ENPP3: variants seen among roughly 807,000 people sequenced by gnomAD.
ENPP3 encodes ectonucleotide pyrophosphatase/phosphodiesterase family member 3.
In ENPP3, 104 loss-of-function variants were observed where a neutral mutation model predicts 117.8. The observed-to-expected ratio is 0.88, with a 90% confidence interval of 0.75 to 1.04. The LOEUF is 1.04. Ranked by LOEUF, ENPP3 falls within the 50% of genes least tolerant of loss-of-function variation. The pLI, the probability that ENPP3 is intolerant of heterozygous loss-of-function variation, is 0.00. For synonymous variants in ENPP3, 380 were observed against 349.9 expected (o/e 1.09, Z -0.96); for missense variants, 1,026 against 1,051.9 (o/e 0.98, Z 0.34).
At chr6:131,740,117 G>A in intron 23 of ENPP3, 107 bp from the exon 24 acceptor site, 1 of 784,418 alleles carries the variant, frequency 1.3e-6, no homozygotes, top group Non-Finnish European at 1.8e-6. Flanking sequence ...AGAATTATAA[G>A]AATTATTATT....
chr6:131,743,691 G>T (rs1780575852), intron 24 of ENPP3, among the ~76,000 whole-genome samples: 1 of 151,958 alleles, frequency 6.6e-6, no homozygotes, highest in South Asian at 2.1e-4. Context: ...CAGGTGTGAT[G>T]GTGCATGCCT....
Position 131,670,697 on chromosome 6 carries a change from T to C in ENPP3, c.563-551T>C, listed in dbSNP as rs546846924. 5.5e-3 allele frequency among the ~76,000 whole-genome samples: 840 copies of C among 152,244 alleles called. 6 individuals are homozygous for C. Among genetic ancestry groups the C allele is most frequent in the African/African-American group, 0.017 (711 of 41,520 alleles). ...ATACAGAAATGGGGTTTCATTGTGT[T>C]GCTCAGGTTGGCCTCAAACTCTTGA... On this transcript the variant is annotated intron_variant, in intron 6 of 24. Coordinates refer to ENST00000357639, the MANE Select transcript of ENPP3 (RefSeq NM_005021.5).
Position 131,738,175 on chromosome 6 carries a change from G to T in ENPP3, c.2300+12G>T. 1 of 1,607,670 alleles carries T rather than the reference G, an allele frequency of 6.2e-7. No homozygotes were observed. The highest frequency in any genetic ancestry group is 1.1e-5 in the South Asian group (1 of 90,350). Reference sequence around the variant, plus strand: ...GATGAAATTACCAAGTAAGTGATTTGACTTTTTGATTTATCAATAGGGTCT... The same window carrying T: ...GATGAAATTACCAAGTAAGTGATTTTACTTTTTGATTTATCAATAGGGTCT... On this transcript the variant is annotated intron_variant, in intron 23 of 24. Coordinates refer to ENST00000357639, the MANE Select transcript of ENPP3 (RefSeq NM_005021.5).
chr6:131,678,030 T>C (rs1748456753), intron 11 of ENPP3, 90 bp downstream of exon 11: 3 of 711,780 alleles, frequency 4.2e-6, no homozygotes, highest in Non-Finnish European at 7.2e-6. Flanking sequence ...TAACTTCTAC[T>C]GAGCACAAAT....
chr6:131,746,839 C>G lies in ENPP3; in HGVS notation c.2511C>G (p.Ala837=), dbSNP rs148724029. Residue 837 remains alanine (A), a synonymous_variant, in exon 25 of 25, where the codon GCC becomes GCG. Transcript: ENST00000357639. The part of the protein sequence containing the change: ...WVEERFTAHI[A]RVRDVELLTG... ...AAGAAAGATTTACAGCTCACATTGCCCGGGTCCGTGATGTAGAACTTCTCA... is the reference window on the plus strand; with the variant it reads ...AAGAAAGATTTACAGCTCACATTGCGCGGGTCCGTGATGTAGAACTTCTCA... 1.5e-4 allele frequency: 237 copies of G among 1,613,034 alleles called. 1 individual carries two copies. Among genetic ancestry groups the G allele is most frequent in the Middle Eastern group, 9.9e-4 (6 of 6,078 alleles).
chr6:131,661,607 G>A (rs1384458542), intron 6 of ENPP3, among the ~76,000 whole-genome samples: 1 of 151,940 alleles, frequency 6.6e-6, no homozygotes, highest in Non-Finnish European at 1.5e-5. Flanking sequence ...GGTTTGATAT[G>A]CATTTTTCTG....
At chr6:131,664,489 A>C (rs1778574586) in intron 6 of ENPP3, among the ~76,000 whole-genome samples, 1 of 152,152 alleles carries the variant, frequency 6.6e-6, no homozygotes, top group Admixed American at 6.5e-5. Context: ...TTAATTGATT[A>C]TTGAAAAAAA....
chr6:131,692,940 TTA>T (rs1407417006), intron 14 of ENPP3, among the ~76,000 whole-genome samples: 1 of 145,810 alleles, frequency 6.9e-6, no homozygotes, highest in Non-Finnish European at 1.5e-5. Flanking sequence ...TGATATATAG[TTA>T]TATATTATAC....
intron 23 of ENPP3, among the ~76,000 whole-genome samples, chr6:131,739,305 G>A (rs912124260): frequency 4.6e-5 from 7 of 152,078 alleles, no homozygotes; most frequent in African/African-American, 1.7e-4. Context: ...TTTCATGTTC[G>A]TTATCTGAAA....
At chr6:131,692,537 A>G (rs1326894139) in intron 14 of ENPP3, among the ~76,000 whole-genome samples, 1 of 150,748 alleles carries the variant, frequency 6.6e-6, no homozygotes, top group East Asian at 1.9e-4. Flanking sequence ...TAATTTTTTT[A>G]CTCATATCTA....
At chr6:131,742,898 C>A (rs768392501) in intron 24 of ENPP3, among the ~76,000 whole-genome samples, 21 of 152,154 alleles carry the variant, frequency 1.4e-4, no homozygotes, top group Non-Finnish European at 2.2e-4. Flanking sequence ...GAAGTGATCT[C>A]TCCAAAGTTA....
chr6:131,722,403 A>C lies in ENPP3; in HGVS notation c.1744A>C (p.Asn582His). 6.2e-7 allele frequency: 1 copy of C among 1,612,086 alleles called. No individual in the cohort carries two copies. The highest frequency in any genetic ancestry group is 8.5e-7 in the Non-Finnish European group (1 of 1,179,162). Residue 582 changes from asparagine (N) to histidine (H), a missense_variant and splice_region_variant, in exon 18 of 25, where the codon AAT (asparagine) becomes CAT (histidine). By Grantham distance (68) the Asn-to-His change is moderately conservative (BLOSUM62 1). Transcript: ENST00000357639. ...TGACTGTTTCTGCCCTCACCTACAA[A>C]ATGTAAGTAACAACTTCATGCATCC... ...SLDCFCPHLQ[N>H]STQLEQVNQM...
At chr6:131,666,025 G>A (rs555003783) in intron 6 of ENPP3, among the ~76,000 whole-genome samples, 4 of 152,062 alleles carry the variant, frequency 2.6e-5, no homozygotes, top group East Asian at 3.9e-4. Context: ...AGTTTTCCCT[G>A]TAATATAGAT....
Position 131,644,990 on chromosome 6 carries a change from AT to A in ENPP3, c.154+3468del, listed in dbSNP as rs59327063. ...GGTTGTGATGTATCTAAATCTACAT[AT>A]TTTTTTTCTAGTTTTTCATTGAGCA... On this transcript the variant is annotated intron_variant, in intron 2 of 24. Coordinates refer to ENST00000357639, the MANE Select transcript of ENPP3 (RefSeq NM_005021.5). Among the ~76,000 whole-genome samples, 34 of 152,146 alleles carry A rather than the reference AT, an allele frequency of 2.2e-4. No homozygotes were observed. The South Asian group carries it at 2.9e-3, about 13-fold the overall frequency.
intron 2 of ENPP3, among the ~76,000 whole-genome samples, chr6:131,642,092 G>A (rs1778057481): frequency 6.6e-6 from 1 of 151,892 alleles, no homozygotes; most frequent in African/African-American, 2.4e-5. Context: ...GCCGCGCCTG[G>A]CCCTTCTTCA....
intron 3 of ENPP3, 40 bp from the exon 4 acceptor site, chr6:131,652,502 C>T: frequency 6.2e-7 from 1 of 1,600,586 alleles, no homozygotes. Flanking sequence ...TTTTATACTG[C>T]AGGCTTAAAT....
In ENPP3 at chr6:131,669,612, C is replaced by T. The variant is rs187684198; in HGVS notation, c.563-1636C>T. On this transcript the variant is annotated intron_variant, in intron 6 of 24. Coordinates refer to ENST00000357639, the MANE Select transcript of ENPP3 (RefSeq NM_005021.5). ...CAGAAGTTGCAGTGAGCCGAGATCACGCCACTGCACTCTAGCCTGGGTGAC... is the reference window on the plus strand; with the variant it reads ...CAGAAGTTGCAGTGAGCCGAGATCATGCCACTGCACTCTAGCCTGGGTGAC... Among the ~76,000 whole-genome samples the T allele has an allele frequency of 3.5e-3, 470 of 136,134 alleles. 10 individuals are homozygous for T. In the Admixed American group the frequency reaches 0.035, roughly 10 times the overall value. The allele number at this position is 136,134 out of a possible 152,430, so 89.3% of individuals were successfully genotyped here. A position where few individuals can be genotyped will look rare whatever the true frequency, so the allele number is the denominator to read the frequency against.
intron 6 of ENPP3, among the ~76,000 whole-genome samples, chr6:131,667,942 G>C (rs1453557265): frequency 1.3e-5 from 2 of 152,138 alleles, no homozygotes; most frequent in Non-Finnish European, 2.9e-5. Context: ...GAAGACTGAA[G>C]CCCCTGCAGA....
intron 9 of ENPP3, 77 bp from the exon 10 acceptor site, chr6:131,676,659 C>A: frequency 2.0e-6 from 2 of 986,006 alleles, no homozygotes; most frequent in South Asian, 1.3e-5. Flanking sequence ...AGATATTAAA[C>A]TTTCTGAATA....
Sources: allele counts gnomAD v4.1 joint callset (sites outside exome capture counted in the v4.1 genomes callset), GRCh38; gene constraint gnomAD v4.1.1; transcripts MANE v1.5; gene names NCBI Gene and HGNC (gene_info 2026-07-23, HGNC 2026-07-21).